TENM3: variants seen among roughly 807,000 people sequenced by gnomAD.
TENM3 encodes teneurin-3.
Under a neutral mutation model 255.1 loss-of-function variants are expected in TENM3, and 63 were observed. The observed-to-expected ratio is 0.25, with a 90% CI of 0.20 to 0.30. TENM3 has a LOEUF of 0.30. TENM3 is among the 10% of genes least tolerant of loss of function. The probability of loss-of-function intolerance (pLI) is 1.00; values close to 1 mark genes in which losing one functional copy is unlikely to be tolerated. For missense variants in TENM3, 2,929 were observed against 3,461.1 expected, an observed-to-expected ratio of 0.85 and a Z score of 3.86; for synonymous variants, 1,306 against 1,322.3, an observed-to-expected ratio of 0.99 and a Z score of 0.27.
At chr4:181,964,396 G>A in the TENM3 span, among the ~76,000 whole-genome samples, 1 of 152,124 alleles carries the variant, frequency 6.6e-6, no homozygotes, top group Non-Finnish European at 1.5e-5. Context: ...GTTTGTGTGT[G>A]TCAGATGACT....
chr4:182,596,196 A>G (rs1333136016), intron 3 of TENM3, among the ~76,000 whole-genome samples: 2 of 152,180 alleles, frequency 1.3e-5, no homozygotes, highest in South Asian at 2.1e-4. Flanking sequence ...GAAATACAAC[A>G]TATTTGCAAA....
chr4:182,480,314 C>CT (rs1407225836), intron 3 of TENM3, among the ~76,000 whole-genome samples: 1 of 151,966 alleles, frequency 6.6e-6, no homozygotes. Context: ...AGCAAGATAT[C>CT]TTAAGTTTCA....
chr4:181,915,626 G>A, the TENM3 span, among the ~76,000 whole-genome samples: 1 of 144,508 alleles, frequency 6.9e-6, no homozygotes, highest in Non-Finnish European at 1.5e-5. Flanking sequence ...CAGAAAGAAA[G>A]GAATGCAAGA....
chr4:182,776,381 C>T (rs1764694155), intron 24 of TENM3, among the ~76,000 whole-genome samples: 2 of 152,128 alleles, frequency 1.3e-5, no homozygotes, highest in African/African-American at 4.8e-5. Context: ...CACTACACTC[C>T]AGCCTAGGAG....
At chr4:182,433,219 T>C (rs2151203991) in intron 3 of TENM3, among the ~76,000 whole-genome samples, 1 of 152,140 alleles carries the variant, frequency 6.6e-6, no homozygotes, top group Non-Finnish European at 1.5e-5. Flanking sequence ...TAAGAGAAGA[T>C]GTTGGAGAAT....
the TENM3 span, among the ~76,000 whole-genome samples, chr4:181,681,015 A>C: frequency 0.051 from 7,810 of 152,136 alleles, 296 homozygotes; most frequent in Non-Finnish European, 0.076. Context: ...TGTTCCTCAT[A>C]GGAAACTGTA....
intron 1 of TENM3, among the ~76,000 whole-genome samples, chr4:182,191,756 G>A (rs1753538737): frequency 6.6e-6 from 1 of 152,158 alleles, no homozygotes; most frequent in African/African-American, 2.4e-5. Context: ...ATCAGCCAGA[G>A]ATCTAAAGCC....
intron 3 of TENM3, among the ~76,000 whole-genome samples, chr4:182,358,643 A>G (rs2150756982): frequency 6.6e-6 from 1 of 151,420 alleles, no homozygotes; most frequent in South Asian, 2.1e-4. Context: ...TTTTCTAGAT[A>G]TACAATCATG....
At chr4:181,771,213 G>C in the TENM3 span, among the ~76,000 whole-genome samples, 197 of 151,842 alleles carry the variant, frequency 1.3e-3, no homozygotes, top group Non-Finnish European at 2.2e-3. Flanking sequence ...GAAATAGAAA[G>C]AGAGGAATTC....
At chr4:182,007,229 G>A in the TENM3 span, among the ~76,000 whole-genome samples, 2 of 152,138 alleles carry the variant, frequency 1.3e-5, no homozygotes, top group South Asian at 4.1e-4. Flanking sequence ...GAGTTCTGTA[G>A]ACGTCTACTA....
chr4:182,555,036 C>CA (rs1560915809), intron 3 of TENM3, among the ~76,000 whole-genome samples: 1 of 151,832 alleles, frequency 6.6e-6, no homozygotes, highest in Admixed American at 6.6e-5. Flanking sequence ...CCTTGTCTTC[C>CA]AAAAAAAGAA....
chr4:182,243,210 G>A (rs138942885), upstream of TENM3, among the ~76,000 whole-genome samples: 692 of 152,306 alleles, frequency 4.5e-3, 1 homozygote, highest in Middle Eastern at 6.8e-3. Flanking sequence ...CACCTCCCGG[G>A]TTCAAGCAAT....
intron 3 of TENM3, among the ~76,000 whole-genome samples, chr4:182,505,489 T>G (rs1279003689): frequency 1.3e-5 from 2 of 152,092 alleles, no homozygotes; most frequent in African/African-American, 4.8e-5. Context: ...ATTACTATTA[T>G]TTTTTTGAGA....
At chr4:181,684,196 T>C in the TENM3 span, among the ~76,000 whole-genome samples, 1 of 152,278 alleles carries the variant, frequency 6.6e-6, no homozygotes, top group South Asian at 2.1e-4. Context: ...CCGGTTCCTA[T>C]GCAGTGTTAT....
At chr4:182,674,963 G>A (rs531691497) in intron 7 of TENM3, among the ~76,000 whole-genome samples, 13 of 152,022 alleles carry the variant, frequency 8.6e-5, no homozygotes, top group Admixed American at 2.0e-4. Flanking sequence ...CACAACCTCC[G>A]CCTCCCGGGT....
intron 3 of TENM3, among the ~76,000 whole-genome samples, chr4:182,514,555 C>G (rs1328237717): frequency 6.6e-6 from 1 of 152,112 alleles, no homozygotes; most frequent in African/African-American, 2.4e-5. Flanking sequence ...CATTTTACAT[C>G]CGGCCCTATA....
chr4:181,938,028 C>T, the TENM3 span, among the ~76,000 whole-genome samples: 1 of 152,174 alleles, frequency 6.6e-6, no homozygotes, highest in Non-Finnish European at 1.5e-5. Context: ...AACAGTTTCA[C>T]CCCTTGCCGA....
At chr4:182,697,545 A>G (rs1340085954) in intron 12 of TENM3, among the ~76,000 whole-genome samples, 1 of 152,134 alleles carries the variant, frequency 6.6e-6, no homozygotes, top group Admixed American at 6.5e-5. Context: ...AATTTGATGG[A>G]CAGAGGGGAT....
the TENM3 span, among the ~76,000 whole-genome samples, chr4:182,048,335 C>G: frequency 6.6e-6 from 1 of 152,102 alleles, no homozygotes; most frequent in Non-Finnish European, 1.5e-5. Context: ...TCATAGATTA[C>G]TATCTACTTC....
Sources: gnomAD v4.1 joint callset for allele counts (sites outside exome capture counted in the v4.1 genomes callset) on GRCh38, gnomAD v4.1.1 for gene constraint, MANE v1.5 for transcripts, NCBI Gene and HGNC (gene_info 2026-07-23, HGNC 2026-07-21) for gene names.